FNBP1: variants seen among roughly 807,000 people sequenced by gnomAD.
The protein encoded by FNBP1 is formin binding protein 1.
A neutral mutation model predicts 90.6 loss-of-function variants in FNBP1; 26 were observed. That is an observed-to-expected ratio of 0.29 (90% CI 0.21 to 0.40). The LOEUF (loss-of-function observed/expected upper bound fraction) is 0.40, where lower values mean the gene tolerates loss of function less well. FNBP1 is among the 10% of genes least tolerant of loss of function. FNBP1 has a pLI of 1.00. For synonymous variants in FNBP1, 260 were observed against 265.2 expected, an observed-to-expected ratio of 0.98 and a Z score of 0.19; for missense variants, 635 against 768.0, an observed-to-expected ratio of 0.83 and a Z score of 2.05.
chr9:129,998,563 C>T (rs546849274), intron 1 of FNBP1, among the ~76,000 whole-genome samples: 1 of 151,682 alleles, frequency 6.6e-6, no homozygotes, highest in African/African-American at 2.4e-5. Flanking sequence ...TTCCCATAAT[C>T]TCCAAAGCCT....
intron 12 of FNBP1, among the ~76,000 whole-genome samples, chr9:129,908,487 G>A (rs2038602195): frequency 1.4e-5 from 2 of 146,040 alleles, no homozygotes; most frequent in African/African-American, 5.1e-5. Context: ...TTACAGGTGT[G>A]AACCACCATG....
At chr9:129,915,143 AT>A (rs2040063696) in intron 11 of FNBP1, among the ~76,000 whole-genome samples, 1 of 151,962 alleles carries the variant, frequency 6.6e-6, no homozygotes, top group Non-Finnish European at 1.5e-5. Context: ...AGGCACCAAC[AT>A]ATCTACGTCG....
At chr9:130,020,946 C>T (rs755367452) in intron 1 of FNBP1, among the ~76,000 whole-genome samples, 1 of 152,098 alleles carries the variant, frequency 6.6e-6, no homozygotes, top group Non-Finnish European at 1.5e-5. Flanking sequence ...GAACTGAAAT[C>T]CCTATGAAAT....
intron 4 of FNBP1, among the ~76,000 whole-genome samples, chr9:129,970,973 G>A (rs558117033): frequency 3.3e-5 from 5 of 152,032 alleles, no homozygotes; most frequent in African/African-American, 2.4e-5. Flanking sequence ...TGCAACCTCC[G>A]CCTCCAGGTT....
intron 11 of FNBP1, 80 bp from the exon 12 acceptor site, chr9:129,909,079 A>T (rs564344791): frequency 2.4e-6 from 2 of 846,424 alleles, no homozygotes; most frequent in Non-Finnish European, 3.8e-6. Flanking sequence ...GCCTGCAGCC[A>T]TGGGGGGTGC....
At chr9:129,931,061 T>C (rs1370900139) in intron 6 of FNBP1, among the ~76,000 whole-genome samples, 1 of 152,086 alleles carries the variant, frequency 6.6e-6, no homozygotes, top group Admixed American at 6.6e-5. Flanking sequence ...CCCAGCTCTA[T>C]GGAAGGCTCG....
chr9:129,986,226 A>G (rs527463930), intron 2 of FNBP1, among the ~76,000 whole-genome samples: 22 of 152,246 alleles, frequency 1.4e-4, no homozygotes, highest in Admixed American at 5.9e-4. Flanking sequence ...AGTCTGCAAG[A>G]AAACATATAA....
intron 1 of FNBP1, among the ~76,000 whole-genome samples, chr9:130,007,239 C>CAAAAA (rs72063140): frequency 1.3e-4 from 10 of 76,982 alleles, no homozygotes; most frequent in South Asian, 5.6e-4. Flanking sequence ...GAGATCCTGT[C>CAAAAA]AAAAAAAAAA....
intron 3 of FNBP1, 110 bp from the exon 4 acceptor site, chr9:129,978,722 C>T: frequency 1.0e-6 from 1 of 999,184 alleles, no homozygotes. Flanking sequence ...GCATCCACCT[C>T]CCATAGGATC....
At chr9:130,009,855 T>C (rs1016064844) in intron 1 of FNBP1, among the ~76,000 whole-genome samples, 1 of 151,920 alleles carries the variant, frequency 6.6e-6, no homozygotes, top group African/African-American at 2.4e-5. Context: ...CACCTGCACC[T>C]GTAATCCCAG....
rs7047772 is a variant in FNBP1 at position 130,007,598 on chromosome 9, C to T, written c.25-12640G>A. Among the ~76,000 whole-genome samples, 1,056 of 152,294 alleles carry T rather than the reference C, an allele frequency of 6.9e-3. 15 individuals are homozygous for T. The highest frequency in any genetic ancestry group is 0.024 in the African/African-American group (1,007 of 41,542). ...GCAATAAACTTCTAGCCTATTTTGA[C>T]GTTCTTAGAACACCTTAGTCACTTT... On this transcript the variant is annotated intron_variant, in intron 1 of 16. Transcript: ENST00000446176.
chr9:130,026,026 C>T (rs1462904006), intron 1 of FNBP1, among the ~76,000 whole-genome samples: 1 of 152,126 alleles, frequency 6.6e-6, no homozygotes, highest in Non-Finnish European at 1.5e-5. Context: ...CGCATATAAT[C>T]TTATGGAGTA....
intron 1 of FNBP1, among the ~76,000 whole-genome samples, chr9:130,015,589 C>G (rs2057147570): frequency 6.6e-6 from 1 of 152,184 alleles, no homozygotes; most frequent in Non-Finnish European, 1.5e-5. Flanking sequence ...CTTGCTGAAC[C>G]CTGACTAGGA....
intron 4 of FNBP1, among the ~76,000 whole-genome samples, chr9:129,959,318 C>T (rs2047437704): frequency 6.6e-6 from 1 of 151,768 alleles, no homozygotes; most frequent in African/African-American, 2.4e-5. Context: ...ATAGGCTGGA[C>T]GGTGGCTCAC....
At chr9:130,026,623 C>A (rs777016145) in intron 1 of FNBP1, among the ~76,000 whole-genome samples, 4 of 151,996 alleles carry the variant, frequency 2.6e-5, no homozygotes, top group African/African-American at 7.2e-5. Flanking sequence ...GATTTACTGC[C>A]TCCAGAACAG....
At chr9:129,994,092 G>A (rs563384462) in intron 2 of FNBP1, among the ~76,000 whole-genome samples, 43 of 152,274 alleles carry the variant, frequency 2.8e-4, no homozygotes, top group Admixed American at 2.4e-3. Context: ...TAGGAAATGT[G>A]TTCAGATACA....
chr9:129,898,814 C>G (rs2036297748), intron 15 of FNBP1, among the ~76,000 whole-genome samples: 1 of 151,980 alleles, frequency 6.6e-6, no homozygotes. Flanking sequence ...GTGTGTCTGC[C>G]TGATTTCCCT....
intron 1 of FNBP1, among the ~76,000 whole-genome samples, chr9:130,010,081 A>G (rs1313309356): frequency 6.6e-6 from 1 of 152,114 alleles, no homozygotes; most frequent in African/African-American, 2.4e-5. Flanking sequence ...AGGAAAGCAA[A>G]CACAAGACAT....
rs1439222873 is a variant in FNBP1 at position 129,924,997 on chromosome 9, G to A, written c.950C>T (p.Ser317Phe). 2 of 1,613,656 alleles carry A rather than the reference G, an allele frequency of 1.2e-6. No homozygotes were observed. The highest frequency in any genetic ancestry group is 2.7e-5 in the African/African-American group (2 of 74,952). The change falls in exon 9 of 17, where the codon TCC becomes TTC. Residue 317 changes from serine to phenylalanine, a missense_variant. Transcript: ENST00000446176. ...GKPDLKFGGK[S>F]KGKLWPFIKK... ...GATGAACGGCCATAACTTTCCTTTG[G>A]ATTTGCCACCAAATTTGAGGTCTGG...
Sources: gnomAD v4.1 joint callset for allele counts (sites outside exome capture counted in the v4.1 genomes callset) on GRCh38, gnomAD v4.1.1 for gene constraint, MANE v1.5 for transcripts, NCBI Gene and HGNC (gene_info 2026-07-23, HGNC 2026-07-21) for gene names.